Variants in SEMA6D observed in about 807,000 individuals in gnomAD.
SEMA6D encodes semaphorin 6D, also known as semaphorin-6D.
A neutral mutation model predicts 106.6 loss-of-function variants in SEMA6D; 35 were observed. That is an observed-to-expected ratio of 0.33 (90% CI 0.25 to 0.44). The LOEUF is 0.44. Among genes scored for constraint, SEMA6D ranks in the 20% least tolerant of loss-of-function variants. SEMA6D has a pLI of 1.00. For missense variants in SEMA6D, 1,185 were observed against 1,345.9 expected, an observed-to-expected ratio of 0.88 and a Z score of 1.87; for synonymous variants, 499 against 487.7, an observed-to-expected ratio of 1.02 and a Z score of -0.31.
chr15:47,658,373 A>G (rs2077847055), intron 4 of SEMA6D, among the ~76,000 whole-genome samples: 1 of 152,134 alleles, frequency 6.6e-6, no homozygotes, highest in Non-Finnish European at 1.5e-5. Context: ...GCCATCAAGT[A>G]TTATGGTAAG....
chr15:47,217,119 C>T (rs1050688625), intron 1 of SEMA6D, among the ~76,000 whole-genome samples: 2 of 152,166 alleles, frequency 1.3e-5, no homozygotes, highest in Non-Finnish European at 2.9e-5. Flanking sequence ...ACTTCTCAGC[C>T]TCTGAAGATG....
chr15:47,569,829 G>A lies in SEMA6D; in HGVS notation c.-86-31036G>A, dbSNP rs548878189. ...TAATCCCAGTACTTTGGGAGAACAA[G>A]GCGGGTGGATCACCTGAGGTCAGGA... is the stretch of plus-strand genomic sequence containing the variant. On this transcript the variant is annotated intron_variant, in intron 3 of 19. Transcript: ENST00000558014. 2.6e-5 allele frequency among the ~76,000 whole-genome samples: 4 copies of A among 152,304 alleles called. No homozygotes were observed. In the East Asian group the frequency reaches 7.7e-4, roughly 29 times the overall value.
chr15:47,328,003 A>C (rs977106259), intron 1 of SEMA6D, among the ~76,000 whole-genome samples: 2 of 152,168 alleles, frequency 1.3e-5, no homozygotes, highest in African/African-American at 4.8e-5. Flanking sequence ...ATTTTTGTTC[A>C]TGGATCTACT....
intron 1 of SEMA6D, among the ~76,000 whole-genome samples, chr15:47,194,095 GTGGATGGA>G (rs1320243782): frequency 9.9e-5 from 15 of 150,898 alleles, no homozygotes; most frequent in African/African-American, 2.9e-4. Context: ...GGGTGGATGG[GTGGATGGA>G]TGGATGGGTG....
At chr15:47,645,147 G>T (rs984295467) in intron 4 of SEMA6D, among the ~76,000 whole-genome samples, 2 of 152,140 alleles carry the variant, frequency 1.3e-5, no homozygotes, top group Admixed American at 1.3e-4. Flanking sequence ...TTCGTTGCTG[G>T]CAACCTTGAT....
intron 4 of SEMA6D, among the ~76,000 whole-genome samples, chr15:47,604,866 A>ATTTTTTTT (rs56218960): frequency 2.8e-5 from 4 of 144,170 alleles, no homozygotes; most frequent in African/African-American, 2.6e-5. Context: ...TGCCTGGCTA[A>ATTTTTTTT]TTTTTTTTTT....
chr15:47,687,083 AG>A (rs1377191126), intron 4 of SEMA6D, among the ~76,000 whole-genome samples: 36 of 151,108 alleles, frequency 2.4e-4, no homozygotes, highest in Admixed American at 1.4e-3. Context: ...AAAAAAAAAA[AG>A]AAGTACTATT....
intron 1 of SEMA6D, among the ~76,000 whole-genome samples, chr15:47,733,441 C>G (rs1397476148): frequency 6.6e-6 from 1 of 152,164 alleles, no homozygotes; most frequent in Non-Finnish European, 1.5e-5. Context: ...TTTGAAATTT[C>G]TACTGTCAGT....
chr15:47,581,083 A>C (rs956062870), intron 3 of SEMA6D, among the ~76,000 whole-genome samples: 3 of 152,222 alleles, frequency 2.0e-5, no homozygotes, highest in African/African-American at 4.8e-5. Context: ...AATCACTCAC[A>C]GGCTGCAACC....
intron 1 of SEMA6D, among the ~76,000 whole-genome samples, chr15:47,720,792 G>T (rs559270116): frequency 2.6e-5 from 4 of 152,208 alleles, no homozygotes; most frequent in Middle Eastern, 3.2e-3. Flanking sequence ...GTTCTTGCAT[G>T]TGAGTTTCAC....
At chr15:47,676,508 G>T (rs2078248973) in intron 4 of SEMA6D, among the ~76,000 whole-genome samples, 1 of 152,192 alleles carries the variant, frequency 6.6e-6, no homozygotes, top group Admixed American at 6.5e-5. Flanking sequence ...TAGAAGCAAA[G>T]GAGGCAAGTT....
intron 4 of SEMA6D, among the ~76,000 whole-genome samples, chr15:47,606,894 T>G (rs1223445901): frequency 6.6e-6 from 1 of 152,192 alleles, no homozygotes; most frequent in African/African-American, 2.4e-5. Context: ...GAAGGCAACC[T>G]CTGGCAATGG....
chr15:47,202,421 C>G (rs1004259232), intron 1 of SEMA6D, among the ~76,000 whole-genome samples: 1 of 151,912 alleles, frequency 6.6e-6, no homozygotes, highest in African/African-American at 2.4e-5. Flanking sequence ...CAGGGACATT[C>G]GATTGGTAAG....
intron 1 of SEMA6D, among the ~76,000 whole-genome samples, chr15:47,368,251 G>A (rs2039134336): frequency 6.6e-6 from 1 of 152,216 alleles, no homozygotes; most frequent in Non-Finnish European, 1.5e-5. Context: ...TGGATGAGAT[G>A]AAGGCAGCTC....
chr15:47,414,504 C>A (rs372500822), intron 2 of SEMA6D, among the ~76,000 whole-genome samples: 5 of 152,134 alleles, frequency 3.3e-5, no homozygotes, highest in South Asian at 4.1e-4. Context: ...AATTATAAGC[C>A]TCCAAGGAAG....
chr15:47,632,534 C>G (rs1035225605), intron 4 of SEMA6D, among the ~76,000 whole-genome samples: 5 of 151,900 alleles, frequency 3.3e-5, no homozygotes, highest in Non-Finnish European at 7.4e-5. Context: ...CTCTTTGTCT[C>G]TAGTAACATT....
At chr15:47,217,540 A>G (rs889577057) in intron 1 of SEMA6D, among the ~76,000 whole-genome samples, 1 of 144,114 alleles carries the variant, frequency 6.9e-6, no homozygotes, top group Admixed American at 8.2e-5. Context: ...AGATGTATTA[A>G]GTGAAATACA....
chr15:47,225,718 T>C (rs866935626), intron 1 of SEMA6D, among the ~76,000 whole-genome samples: 4 of 151,816 alleles, frequency 2.6e-5, no homozygotes, highest in South Asian at 4.2e-4. Context: ...TTAGTAGAGA[T>C]GGGGTTTCTC....
At chr15:47,762,624 C>T (rs2082123755) in intron 8 of SEMA6D, among the ~76,000 whole-genome samples, 1 of 152,118 alleles carries the variant, frequency 6.6e-6, no homozygotes. Context: ...TGCCATCTAC[C>T]CATCTTGGAA....
Sources: allele counts gnomAD v4.1 joint callset (sites outside exome capture counted in the v4.1 genomes callset), GRCh38; gene constraint gnomAD v4.1.1; transcripts MANE v1.5; gene names NCBI Gene and HGNC (gene_info 2026-07-23, HGNC 2026-07-21).